Variants in ZC3H12B observed in about 807,000 individuals in gnomAD.
The protein encoded by ZC3H12B is zinc finger CCCH-type containing 12B.
Under a neutral mutation model 43.9 loss-of-function variants are expected in ZC3H12B, and 7 were observed. That is an observed-to-expected ratio of 0.16 (90% CI 0.09 to 0.30). ZC3H12B has a LOEUF of 0.30. Among genes scored for constraint, ZC3H12B ranks in the 10% least tolerant of loss-of-function variants. ZC3H12B has a pLI of 1.00. For synonymous variants in ZC3H12B, 222 were observed against 241.7 expected, an observed-to-expected ratio of 0.92 and a Z score of 0.76; for missense variants, 475 against 670.2, an observed-to-expected ratio of 0.71 and a Z score of 3.22.
At position 65,411,451 on chromosome X, in the gene ZC3H12B, G is replaced by A. The variant is rs1460802063; in HGVS notation, n.407+12747G>A. Among the ~76,000 whole-genome samples the A allele has an allele frequency of 8.1e-5, 9 of 111,670 alleles. No individual in the cohort carries two copies. In the East Asian group the frequency reaches 2.2e-3, roughly 28 times the overall value. On this transcript the variant is annotated intron_variant and non_coding_transcript_variant, in intron 3 of 5. Coordinates refer to the ZC3H12B transcript ENST00000617377. ...AAGTAAAATAATGTAATTGTGGCCAGGCATGGTGGCTCATGCCTGTAATCA... is the reference window on the plus strand; with the variant it reads ...AAGTAAAATAATGTAATTGTGGCCAAGCATGGTGGCTCATGCCTGTAATCA...
chrX:65,259,692 A>T, the ZC3H12B span, among the ~76,000 whole-genome samples: 3 of 112,233 alleles, frequency 2.7e-5, no homozygotes, highest in Non-Finnish European at 5.6e-5. Context: ...AAGTAGATCT[A>T]CTGTTTTATC....
the ZC3H12B span, among the ~76,000 whole-genome samples, chrX:65,280,126 C>T: frequency 8.9e-6 from 1 of 112,039 alleles, no homozygotes; most frequent in Admixed American, 9.4e-5. Context: ...GTCAATACCC[C>T]TGACAAATAT....
the ZC3H12B span, among the ~76,000 whole-genome samples, chrX:65,096,407 T>A: frequency 2.7e-5 from 3 of 111,829 alleles, no homozygotes; most frequent in African/African-American, 3.3e-5. Flanking sequence ...ATTAATATGC[T>A]AAGGATTCTA....
chrX:65,389,468 T>A (rs1303043423), intron 2 of ZC3H12B, among the ~76,000 whole-genome samples: 1 of 112,668 alleles, frequency 8.9e-6, no homozygotes, highest in Non-Finnish European at 1.9e-5. Flanking sequence ...GTGTACCATT[T>A]GCTAAGACCA....
At chrX:65,246,996 C>A in the ZC3H12B span, among the ~76,000 whole-genome samples, 3 of 112,188 alleles carry the variant, frequency 2.7e-5, no homozygotes, top group Non-Finnish European at 5.6e-5. Context: ...AAAATGTTTG[C>A]AAATTATGCA....
chrX:65,066,505 C>T, the ZC3H12B span, among the ~76,000 whole-genome samples: 1 of 111,709 alleles, frequency 9.0e-6, no homozygotes. Flanking sequence ...CTATTCTTTC[C>T]TCTGGAAGCT....
the ZC3H12B span, among the ~76,000 whole-genome samples, chrX:65,319,448 G>GA: frequency 9.0e-6 from 1 of 110,753 alleles, no homozygotes; most frequent in Admixed American, 9.5e-5. Context: ...CTCCTATCCA[G>GA]AAAAAAACAC....
At chrX:65,305,582 C>T in the ZC3H12B span, among the ~76,000 whole-genome samples, 1 of 112,009 alleles carries the variant, frequency 8.9e-6, no homozygotes, top group African/African-American at 3.2e-5. Context: ...TTCCTTTCCT[C>T]ACTCTTTCTT....
At chrX:65,179,942 C>G in the ZC3H12B span, among the ~76,000 whole-genome samples, 2 of 111,735 alleles carry the variant, frequency 1.8e-5, no homozygotes, top group Non-Finnish European at 3.8e-5. Context: ...GGAGCTGGTA[C>G]CATTCATTCT....
chrX:65,088,402 T>C, the ZC3H12B span, among the ~76,000 whole-genome samples: 1 of 110,960 alleles, frequency 9.0e-6, no homozygotes, highest in African/African-American at 3.3e-5. Flanking sequence ...ACTAGAACAT[T>C]TTCAGCAGTG....
At chrX:65,306,123 G>A in the ZC3H12B span, among the ~76,000 whole-genome samples, 5 of 112,145 alleles carry the variant, frequency 4.5e-5, no homozygotes, top group Non-Finnish European at 9.4e-5. Context: ...GTAATTTTCT[G>A]CATGCAGTTC....
intron 1 of ZC3H12B, among the ~76,000 whole-genome samples, chrX:65,367,372 T>C (rs2066186912): frequency 9.0e-6 from 1 of 111,078 alleles, no homozygotes; most frequent in Non-Finnish European, 1.9e-5. Context: ...AGTTGGACAG[T>C]AACCCTCAGA....
intron 2 of ZC3H12B, among the ~76,000 whole-genome samples, chrX:65,395,943 G>A (rs2066691075): frequency 9.0e-6 from 1 of 111,319 alleles, no homozygotes; most frequent in African/African-American, 3.3e-5. Flanking sequence ...GGAATTTATT[G>A]ATTTCTTCTA....
chrX:65,330,782 G>C, the ZC3H12B span: 8 of 150,059 alleles, frequency 5.3e-5, no homozygotes, highest in Non-Finnish European at 9.2e-5. Flanking sequence ...ATAGCTTTTT[G>C]ATGTGTTGCT....
At chrX:65,340,474 T>C in the ZC3H12B span, among the ~76,000 whole-genome samples, 1 of 111,844 alleles carries the variant, frequency 8.9e-6, no homozygotes, top group African/African-American at 3.3e-5. Context: ...TTACCAGTGG[T>C]CTGGCAGCAC....
chrX:65,122,501 A>G, the ZC3H12B span, among the ~76,000 whole-genome samples: 1 of 111,289 alleles, frequency 9.0e-6, no homozygotes, highest in Non-Finnish European at 1.9e-5. Flanking sequence ...ACCAGCTAAC[A>G]TCTTAATGAC....
At chrX:65,048,822 A>T in the ZC3H12B span, among the ~76,000 whole-genome samples, 1 of 110,667 alleles carries the variant, frequency 9.0e-6, no homozygotes, top group Admixed American at 9.6e-5. Flanking sequence ...GTACGACACT[A>T]GTTACTTTCT....
At chrX:65,330,866 G>T in the ZC3H12B span, 1 of 225,581 alleles carries the variant, frequency 4.4e-6, no homozygotes, top group Non-Finnish European at 8.8e-6. Context: ...CACTGTTACT[G>T]CCACCATCTC....
At chrX:65,488,164 C>T (rs1042243142), upstream of ZC3H12B, among the ~76,000 whole-genome samples, 3 of 111,243 alleles carry the variant, frequency 2.7e-5, no homozygotes, top group Non-Finnish European at 5.6e-5. Flanking sequence ...AGCCACTGTG[C>T]CCGGCCCGCA....
Sources: gnomAD v4.1 joint callset for allele counts (sites outside exome capture counted in the v4.1 genomes callset) on GRCh38, gnomAD v4.1.1 for gene constraint, MANE v1.5 for transcripts, NCBI Gene and HGNC (gene_info 2026-07-23, HGNC 2026-07-21) for gene names.